Variants in OXR1 observed in about 807,000 individuals in gnomAD.
OXR1 encodes oxidation resistance 1, also known as oxidation resistance protein 1.
OXR1 carries 41 observed loss-of-function variants against 104.6 expected under a neutral mutation model. The observed-to-expected ratio is 0.39, with a 90% CI of 0.31 to 0.51. OXR1 has a LOEUF of 0.51. Ranked by LOEUF, OXR1 falls within the 20% of genes least tolerant of loss-of-function variation. The probability of loss-of-function intolerance (pLI) is 0.77; values close to 1 mark genes in which losing one functional copy is unlikely to be tolerated. For synonymous variants in OXR1, 348 were observed against 348.4 expected (o/e 1.00, Z 0.01); for missense variants, 955 against 1,031.9 (o/e 0.93, Z 1.02).
chr8:106,309,763 A>AT (rs1345956698), intron 1 of OXR1, among the ~76,000 whole-genome samples: 2 of 150,696 alleles, frequency 1.3e-5, no homozygotes, highest in Admixed American at 1.3e-4. Context: ...AAATTTTAAA[A>AT]TAAAAATATA....
In OXR1 at chr8:106,673,993, C is replaced by A. The variant is rs182318031; in HGVS notation, c.221-5217C>A. Among the ~76,000 whole-genome samples the A allele has an allele frequency of 2.0e-5, 3 of 152,336 alleles. No homozygotes were observed. In the East Asian group the frequency reaches 5.8e-4, roughly 29 times the overall value. On this transcript the variant is annotated intron_variant, in intron 3 of 16. Transcript: ENST00000517566. ...CCCTCTTGGAGAACCTTTGCTAGGG[C>A]AGTGCAGAAGTGAAATGTGGGGTCA... is the stretch of plus-strand genomic sequence containing the variant.
chr8:106,706,823 A>T lies in OXR1; in HGVS notation c.1302A>T (p.Ser434=). The change falls in exon 9 of 17, where the codon TCA becomes TCT. Residue 434 remains serine (S), a synonymous_variant. Transcript: ENST00000517566. ...DQIADNFQGI[S]GPKEDSTSIK... is the part of the protein sequence containing the mutation. ...TTGCAGATAACTTTCAAGGAATATC[A>T]GGTCCTAAAGAAGACAGCACAAGTA... The T allele has an allele frequency of 6.2e-7, 1 of 1,612,288 alleles. No individual in the cohort carries two copies. The highest frequency in any genetic ancestry group is 8.5e-7 in the Non-Finnish European group (1 of 1,179,448).
chr8:106,561,127 T>G (rs2130490049), intron 3 of OXR1, among the ~76,000 whole-genome samples: 1 of 152,022 alleles, frequency 6.6e-6, no homozygotes, highest in African/African-American at 2.4e-5. Context: ...TTTTTTTTCA[T>G]ACCTCAGAGG....
chr8:106,548,330 G>C (rs1297932924), intron 3 of OXR1, among the ~76,000 whole-genome samples: 1 of 151,996 alleles, frequency 6.6e-6, no homozygotes, highest in Non-Finnish European at 1.5e-5. Flanking sequence ...CTGACCCCTG[G>C]TCCAGTGCTC....
At chr8:106,698,701 AT>A (rs1196330067) in intron 7 of OXR1, among the ~76,000 whole-genome samples, 1 of 151,962 alleles carries the variant, frequency 6.6e-6, no homozygotes, top group Non-Finnish European at 1.5e-5. Flanking sequence ...ACACATTGCA[AT>A]TTTTCTCCCT....
At chr8:106,639,239 T>C (rs768842125) in intron 3 of OXR1, among the ~76,000 whole-genome samples, 8 of 152,334 alleles carry the variant, frequency 5.3e-5, no homozygotes, top group Non-Finnish European at 1.2e-4. Flanking sequence ...AATTTCAGTC[T>C]GATTGTGCGG....
At chr8:106,618,177 C>A in intron 3 of OXR1, 1 of 1,535,624 alleles carries the variant, frequency 6.5e-7, no homozygotes, top group Non-Finnish European at 8.7e-7. Flanking sequence ...GTTCTGCCAG[C>A]GCAAAGGTAT....
intron 2 of OXR1, among the ~76,000 whole-genome samples, chr8:106,369,694 A>T (rs1477357500): frequency 1.3e-5 from 2 of 152,178 alleles, no homozygotes; most frequent in Admixed American, 1.3e-4. Flanking sequence ...TTTGTTGAAG[A>T]TCAGATGGTT....
chr8:106,514,608 A>G (rs919228139), intron 2 of OXR1, among the ~76,000 whole-genome samples: 2 of 152,106 alleles, frequency 1.3e-5, no homozygotes, highest in Non-Finnish European at 2.9e-5. Context: ...TCCTTTGCTC[A>G]TTCTACGGAG....
chr8:106,651,595 C>A (rs771606304), intron 3 of OXR1, among the ~76,000 whole-genome samples: 3 of 152,084 alleles, frequency 2.0e-5, no homozygotes, highest in Non-Finnish European at 4.4e-5. Flanking sequence ...TACTTCTGAA[C>A]CCTGAATTAT....
At chr8:106,367,649 T>G (rs752534626) in intron 2 of OXR1, among the ~76,000 whole-genome samples, 54 of 152,286 alleles carry the variant, frequency 3.5e-4, no homozygotes, top group Non-Finnish European at 6.9e-4. Context: ...AAGCTTAGAT[T>G]AATTTTTATC....
intron 1 of OXR1, among the ~76,000 whole-genome samples, chr8:106,345,632 A>C (rs1292485680): frequency 6.6e-6 from 1 of 152,258 alleles, no homozygotes; most frequent in Non-Finnish European, 1.5e-5. Context: ...TGAGTACAAG[A>C]GGTCTAGAAA....
intron 3 of OXR1, among the ~76,000 whole-genome samples, chr8:106,566,086 A>G (rs1817050225): frequency 6.6e-6 from 1 of 152,188 alleles, no homozygotes; most frequent in Non-Finnish European, 1.5e-5. Context: ...TGACTAAAAC[A>G]CCAAAAACAA....
intron 2 of OXR1, among the ~76,000 whole-genome samples, chr8:106,445,431 T>C (rs756279118): frequency 1.8e-4 from 27 of 152,152 alleles, no homozygotes; most frequent in Non-Finnish European, 3.4e-4. Context: ...TACTGTCTGG[T>C]GCCTGCAGTT....
chr8:106,665,372 G>A (rs960506210), intron 3 of OXR1, among the ~76,000 whole-genome samples: 1 of 152,060 alleles, frequency 6.6e-6, no homozygotes, highest in African/African-American at 2.4e-5. Context: ...GCCTTGTCTG[G>A]GAATTGATTT....
At chr8:106,495,246 T>G (rs1443039687) in intron 2 of OXR1, among the ~76,000 whole-genome samples, 2 of 152,164 alleles carry the variant, frequency 1.3e-5, no homozygotes, top group Non-Finnish European at 2.9e-5. Context: ...TGCAATAATA[T>G]GTGTCTATTT....
intron 11 of OXR1, among the ~76,000 whole-genome samples, chr8:106,721,221 T>TC (rs1258462440): frequency 6.6e-6 from 1 of 151,992 alleles, no homozygotes; most frequent in Non-Finnish European, 1.5e-5. Context: ...TTCCAGTCCT[T>TC]TTGGGATAAA....
chr8:106,299,671 A>G (rs1357511850), intron 1 of OXR1, among the ~76,000 whole-genome samples: 2 of 152,060 alleles, frequency 1.3e-5, no homozygotes, highest in African/African-American at 4.8e-5. Context: ...CACTATTTCT[A>G]TATTATAAAG....
chr8:106,532,767 A>G (rs1403880206), intron 3 of OXR1, among the ~76,000 whole-genome samples: 1 of 152,232 alleles, frequency 6.6e-6, no homozygotes, highest in African/African-American at 2.4e-5. Flanking sequence ...ATTTAAAAAG[A>G]TATATCCTCT....
Sources: gnomAD v4.1 joint callset for allele counts (sites outside exome capture counted in the v4.1 genomes callset) on GRCh38, gnomAD v4.1.1 for gene constraint, MANE v1.5 for transcripts, NCBI Gene and HGNC (gene_info 2026-07-23, HGNC 2026-07-21) for gene names.